Variants in GPC6 observed in about 807,000 individuals in gnomAD.
The protein encoded by GPC6 is glypican-6.
GPC6 carries 14 observed loss-of-function variants against 55.2 expected under a neutral mutation model. That is an observed-to-expected ratio of 0.25 (90% CI 0.17 to 0.40). The LOEUF (loss-of-function observed/expected upper bound fraction) is 0.40, where lower values mean the gene tolerates loss of function less well. GPC6 is among the 10% of genes least tolerant of loss of function. The pLI is 1.00. For missense variants in GPC6, 641 were observed against 708.5 expected, an observed-to-expected ratio of 0.90 and a Z score of 1.08; for synonymous variants, 278 against 259.6, an observed-to-expected ratio of 1.07 and a Z score of -0.68.
At chr13:93,518,649 C>T (rs1455820800) in intron 1 of GPC6, among the ~76,000 whole-genome samples, 1 of 151,976 alleles carries the variant, frequency 6.6e-6, no homozygotes. Context: ...ATAACACTTG[C>T]TTTGGGACTC....
chr13:93,370,027 C>T (rs187200335), intron 1 of GPC6, among the ~76,000 whole-genome samples: 137 of 152,142 alleles, frequency 9.0e-4, no homozygotes, highest in African/African-American at 3.1e-3. Context: ...AAATGACACA[C>T]GTTATTCTGT....
chr13:94,116,186 C>T (rs1886422849), intron 4 of GPC6, among the ~76,000 whole-genome samples: 1 of 152,000 alleles, frequency 6.6e-6, no homozygotes, highest in Admixed American at 6.6e-5. Flanking sequence ...CTAAATAGTT[C>T]CTGGATGCTG....
chr13:94,001,770 A>G (rs1881812827), intron 3 of GPC6, among the ~76,000 whole-genome samples: 2 of 152,204 alleles, frequency 1.3e-5, no homozygotes, highest in Non-Finnish European at 2.9e-5. Context: ...AAGAACCATC[A>G]AAAAGAAACT....
intron 1 of GPC6, among the ~76,000 whole-genome samples, chr13:93,447,639 TAA>T (rs1241331666): frequency 6.6e-6 from 1 of 152,202 alleles, no homozygotes; most frequent in East Asian, 1.9e-4. Context: ...ATGCAAAACT[TAA>T]GTCTTTAGTT....
chr13:94,013,025 G>A (rs934956100), intron 3 of GPC6, among the ~76,000 whole-genome samples: 1 of 152,136 alleles, frequency 6.6e-6, no homozygotes, highest in African/African-American at 2.4e-5. Flanking sequence ...TTTGATTAAA[G>A]TTCGGAATGT....
chr13:93,958,025 T>C (rs1019593385), intron 3 of GPC6, among the ~76,000 whole-genome samples: 1 of 152,214 alleles, frequency 6.6e-6, no homozygotes, highest in African/African-American at 2.4e-5. Context: ...TCGAAAAGTG[T>C]CTGTTCATGT....
intron 3 of GPC6, among the ~76,000 whole-genome samples, chr13:93,914,507 C>T (rs1017430141): frequency 1.4e-4 from 21 of 152,180 alleles, no homozygotes; most frequent in African/African-American, 5.1e-4. Flanking sequence ...TTGCTACACT[C>T]TGTGGTAGCT....
chr13:94,364,998 G>A lies in GPC6; in HGVS notation c.1153-17416G>A, dbSNP rs185145473. ...CTGCCGATTGTTCATTTATTCATTCGCTATTATTGAATACAACCAAAAACC... is the reference window on the plus strand; with the variant it reads ...CTGCCGATTGTTCATTTATTCATTCACTATTATTGAATACAACCAAAAACC... On this transcript the variant is annotated intron_variant, in intron 6 of 8. Coordinates refer to ENST00000377047, the MANE Select transcript of GPC6 (RefSeq NM_005708.5). 1.2e-3 allele frequency among the ~76,000 whole-genome samples: 175 copies of A among 152,150 alleles called. 1 individual carries two copies. Among genetic ancestry groups the A allele is most frequent in the South Asian group, 4.4e-3 (21 of 4,814 alleles).
intron 2 of GPC6, among the ~76,000 whole-genome samples, chr13:93,740,893 C>T (rs933033792): frequency 2.0e-5 from 3 of 151,916 alleles, no homozygotes; most frequent in Admixed American, 6.6e-5. Context: ...AAAACTATCT[C>T]GTTTAAAAGA....
At chr13:93,514,489 A>C (rs1881109027) in intron 1 of GPC6, among the ~76,000 whole-genome samples, 2 of 152,216 alleles carry the variant, frequency 1.3e-5, no homozygotes, top group Admixed American at 6.5e-5. Context: ...TGGAACAGAT[A>C]ACTTTGAGGC....
chr13:93,968,018 G>A (rs931568608), intron 3 of GPC6, among the ~76,000 whole-genome samples: 2 of 152,094 alleles, frequency 1.3e-5, no homozygotes, highest in Non-Finnish European at 2.9e-5. Context: ...ATGAACATAT[G>A]AGTAAAAATA....
At chr13:93,779,760 T>C (rs1885579325) in intron 2 of GPC6, among the ~76,000 whole-genome samples, 1 of 152,138 alleles carries the variant, frequency 6.6e-6, no homozygotes, top group Non-Finnish European at 1.5e-5. Flanking sequence ...TTGTCCCCAA[T>C]TTTTTTCAGA....
chr13:94,088,745 TG>T (rs1278092403), intron 4 of GPC6, among the ~76,000 whole-genome samples: 1 of 54,800 alleles, frequency 1.8e-5, no homozygotes, highest in Non-Finnish European at 5.0e-5. Flanking sequence ...AATTTCAATA[TG>T]GTTTTAGACT....
chr13:93,684,470 G>A (rs1042192903), intron 2 of GPC6, among the ~76,000 whole-genome samples: 2 of 152,082 alleles, frequency 1.3e-5, no homozygotes, highest in African/African-American at 4.8e-5. Context: ...TTACAGGTGT[G>A]AGCTACCACG....
chr13:93,246,044 A>C (rs548715130), intron 1 of GPC6, among the ~76,000 whole-genome samples: 1 of 152,070 alleles, frequency 6.6e-6, no homozygotes, highest in African/African-American at 2.4e-5. Context: ...CTCTTAATTA[A>C]TTTTTGGTCC....
At chr13:93,656,817 G>T (rs991226901) in intron 2 of GPC6, among the ~76,000 whole-genome samples, 6 of 151,894 alleles carry the variant, frequency 4.0e-5, no homozygotes, top group African/African-American at 1.4e-4. Context: ...TAACATCCAA[G>T]CTGAGTACCA....
intron 1 of GPC6, among the ~76,000 whole-genome samples, chr13:93,354,361 T>TGTTTTTTG (rs1555293320): frequency 1.4e-5 from 2 of 146,062 alleles, no homozygotes; most frequent in East Asian, 4.2e-4. Context: ...TTTTTTTTTT[T>TGTTTTTTG]TTTTTTTGAG....
chr13:93,858,407 C>T lies in GPC6; in HGVS notation c.711+27862C>T, dbSNP rs76543007. 6.3e-3 allele frequency among the ~76,000 whole-genome samples: 953 copies of T among 151,614 alleles called. 15 individuals are homozygous for T. Among genetic ancestry groups the T allele is most frequent in the African/African-American group, 0.022 (913 of 41,442 alleles). ...GGTCCCATACATAATTTGGCATCAA[C>T]ACTTTATTAATGCAAACAAGTAGAA... On this transcript the variant is annotated intron_variant, in intron 3 of 8. Transcript: ENST00000377047.
chr13:93,453,252 T>C (rs2813618), intron 1 of GPC6, among the ~76,000 whole-genome samples: 61,048 of 151,958 alleles, frequency 0.4, 12,752 homozygotes, highest in Admixed American at 0.5. Context: ...TCCTTCCTCT[T>C]CCCCCACTTT....
Sources: allele counts gnomAD v4.1 joint callset (sites outside exome capture counted in the v4.1 genomes callset), GRCh38; gene constraint gnomAD v4.1.1; transcripts MANE v1.5; gene names NCBI Gene and HGNC (gene_info 2026-07-23, HGNC 2026-07-21).